Variants in SEMA3C observed in about 807,000 individuals in gnomAD.
SEMA3C encodes semaphorin-3C.
SEMA3C carries 47 observed loss-of-function variants against 89.4 expected under a neutral mutation model. The observed-to-expected ratio is 0.53, with a 90% confidence interval of 0.42 to 0.67. SEMA3C has a LOEUF of 0.67. Among genes scored for constraint, SEMA3C ranks in the 30% least tolerant of loss-of-function variants. The pLI, the probability that SEMA3C is intolerant of heterozygous loss-of-function variation, is 0.00. For synonymous variants in SEMA3C, 310 were observed against 320.2 expected, an observed-to-expected ratio of 0.97 and a Z score of 0.34; for missense variants, 839 against 929.1, an observed-to-expected ratio of 0.90 and a Z score of 1.26.
chr7:80,852,352 C>A (rs552834669), intron 2 of SEMA3C, among the ~76,000 whole-genome samples: 1 of 152,316 alleles, frequency 6.6e-6, no homozygotes, highest in East Asian at 1.9e-4. Flanking sequence ...TTGTTATTCA[C>A]TTGTCTCTTC....
At chr7:80,905,846 G>T (rs985642682) in intron 2 of SEMA3C, 2 of 1,289,338 alleles carry the variant, frequency 1.6e-6, no homozygotes, top group African/African-American at 1.5e-5. Flanking sequence ...GGTGGTTGCT[G>T]AGGACCAAAT....
intron 2 of SEMA3C, among the ~76,000 whole-genome samples, chr7:80,888,236 A>G (rs1791528770): frequency 6.6e-6 from 1 of 152,028 alleles, no homozygotes; most frequent in Non-Finnish European, 1.5e-5. Context: ...AACATGGCAA[A>G]ACCCCATCTC....
rs186470157 is a variant in SEMA3C, at chr7:80,743,428, C to T, written c.*1466G>A. 7.9e-5 allele frequency: 12 copies of T among 151,640 alleles called. No individual in the cohort carries two copies. The highest frequency in any genetic ancestry group is 2.7e-4 in the African/African-American group (11 of 41,430). The allele number at this position is 151,640 out of a possible 1,614,324, so 9.4% of individuals were successfully genotyped here. On this transcript the variant is annotated 3_prime_UTR_variant, in exon 18 of 18. Transcript: ENST00000265361. Reference sequence around the variant, plus strand: ...AAAGGCCATAATCTACTTTAATTACCTTCATCATAGATTATTAACTATAAA... The same window carrying T: ...AAAGGCCATAATCTACTTTAATTACTTTCATCATAGATTATTAACTATAAA...
intron 9 of SEMA3C, 93 bp downstream of exon 9, chr7:80,802,571 TA>T (rs1789233980): frequency 2.8e-6 from 2 of 710,644 alleles, no homozygotes; most frequent in Admixed American, 2.7e-5. Context: ...ATGCTGAAAA[TA>T]TGGAAAGTAC....
chr7:80,804,130 A>G lies in SEMA3C; in HGVS notation c.777T>C (p.His259=). 6.2e-7 allele frequency: 1 copy of G among 1,612,146 alleles called. No individual in the cohort carries two copies. The change falls in exon 8 of 18, where the codon CAT becomes CAC. Residue 259 remains histidine, a synonymous_variant. Coordinates refer to ENST00000265361, the MANE Select transcript of SEMA3C (RefSeq NM_006379.5). ...TDNNRSTKQI[H]SMIARICPND... ...CAGGACATATTCGAGCAATCATGGA[A>G]TGAATCTGTTTCGTGCTCCTGTTAT...
In SEMA3C at chr7:80,844,258, A is replaced by G. The variant is rs548312178; in HGVS notation, c.104-15513T>C. 2.0e-5 allele frequency among the ~76,000 whole-genome samples: 3 copies of G among 152,316 alleles called. No homozygotes were observed. In the South Asian group the frequency reaches 6.2e-4, roughly 32 times the overall value. On this transcript the variant is annotated intron_variant, in intron 2 of 17. Transcript: ENST00000265361. ...TATTGGACAGTGCCAGTGTTATGCT[A>G]TAAACTGAGATCCAACAGTTCTCCC...
chr7:80,905,889 T>C (rs752360620), intron 2 of SEMA3C: 2 of 1,289,646 alleles, frequency 1.6e-6, no homozygotes, highest in South Asian at 1.2e-5. Flanking sequence ...CCCACAGATG[T>C]AGCACACAGC....
At chr7:80,758,023 T>C (rs1285142022) in intron 15 of SEMA3C, among the ~76,000 whole-genome samples, 1 of 151,944 alleles carries the variant, frequency 6.6e-6, no homozygotes, top group Non-Finnish European at 1.5e-5. Flanking sequence ...ATACAAAAAA[T>C]GCAAAAAGCT....
intron 16 of SEMA3C, 48 bp downstream of exon 16, chr7:80,751,221 G>T: frequency 7.0e-7 from 1 of 1,426,716 alleles, no homozygotes. Flanking sequence ...ATGTGATACG[G>T]AGCATTGCTA....
At chr7:80,863,976 ACATAT>A (rs1562912404) in intron 2 of SEMA3C, among the ~76,000 whole-genome samples, 2 of 147,372 alleles carry the variant, frequency 1.4e-5, no homozygotes, top group Non-Finnish European at 3.0e-5. Flanking sequence ...CATATATATC[ACATAT>A]ATCACATGTA....
rs367775937 is a variant in SEMA3C, at chr7:80,815,657, A to AT, written c.447+2641dup. 2.3e-3 allele frequency among the ~76,000 whole-genome samples: 357 copies of AT among 152,014 alleles called. 1 individual carries two copies. The highest frequency in any genetic ancestry group is 8.2e-3 in the African/African-American group (341 of 41,492). On this transcript the variant is annotated intron_variant, in intron 5 of 17. Coordinates refer to ENST00000265361, the MANE Select transcript of SEMA3C (RefSeq NM_006379.5). ...AAGAACTTAATACAGAAAATGTATA[A>AT]TTTTTCTTCTGAAACAGAAAAAATC... is the stretch of plus-strand genomic sequence containing the variant.
intron 2 of SEMA3C, among the ~76,000 whole-genome samples, chr7:80,863,672 T>C (rs554596492): frequency 6.5e-4 from 93 of 143,558 alleles, no homozygotes; most frequent in African/African-American, 1.5e-3. Context: ...TATATATATA[T>C]ACACACATAT....
intron 9 of SEMA3C, among the ~76,000 whole-genome samples, chr7:80,801,346 G>C (rs1789203030): frequency 6.6e-6 from 1 of 152,040 alleles, no homozygotes; most frequent in African/African-American, 2.4e-5. Flanking sequence ...CCATCAAATA[G>C]AACTTTTTGT....
At chr7:80,903,386 C>A (rs543636905) in intron 2 of SEMA3C, among the ~76,000 whole-genome samples, 5 of 152,124 alleles carry the variant, frequency 3.3e-5, no homozygotes, top group African/African-American at 1.2e-4. Context: ...TGGGGCCAGG[C>A]ACAATGGCTC....
intron 10 of SEMA3C, among the ~76,000 whole-genome samples, chr7:80,799,019 T>C (rs954121884): frequency 6.6e-6 from 1 of 152,216 alleles, no homozygotes; most frequent in African/African-American, 2.4e-5. Context: ...AATTTTTTGA[T>C]ATTAAAGTTA....
chr7:80,854,524 T>A (rs956695190), intron 2 of SEMA3C, among the ~76,000 whole-genome samples: 1 of 152,184 alleles, frequency 6.6e-6, no homozygotes, highest in African/African-American at 2.4e-5. Context: ...AGTTGTTAGA[T>A]CCTGGGTGAG....
chr7:80,853,187 C>A (rs1790557319), intron 2 of SEMA3C, among the ~76,000 whole-genome samples: 1 of 152,030 alleles, frequency 6.6e-6, no homozygotes, highest in Non-Finnish European at 1.5e-5. Flanking sequence ...ATTAGTACAG[C>A]CACTATGGAG....
At chr7:80,871,770 T>C (rs747052933) in intron 2 of SEMA3C, among the ~76,000 whole-genome samples, 9 of 152,180 alleles carry the variant, frequency 5.9e-5, no homozygotes, top group African/African-American at 9.7e-5. Flanking sequence ...TTCTCAAAAA[T>C]TTCGGTCTCA....
At chr7:80,837,094 A>C (rs532498719) in intron 2 of SEMA3C, among the ~76,000 whole-genome samples, 1 of 152,256 alleles carries the variant, frequency 6.6e-6, no homozygotes, top group East Asian at 1.9e-4. Flanking sequence ...AGTCTGACTG[A>C]TTTTCACTAT....
Sources: gnomAD v4.1 joint callset for allele counts (sites outside exome capture counted in the v4.1 genomes callset) on GRCh38, gnomAD v4.1.1 for gene constraint, MANE v1.5 for transcripts, NCBI Gene and HGNC (gene_info 2026-07-23, HGNC 2026-07-21) for gene names.